Variants in MALRD1 observed in about 807,000 individuals in gnomAD.
MALRD1 encodes MAM and LDL receptor class A domain containing 1, also known as MAM and LDL-receptor class A domain-containing protein 1.
In MALRD1, 247 loss-of-function variants were observed where a neutral mutation model predicts 242.1. The observed-to-expected ratio is 1.02, with a 90% confidence interval of 0.92 to 1.13. The LOEUF is 1.13. MALRD1 is among the 50% of genes most tolerant of loss of function. MALRD1 has a pLI of 0.00. For synonymous variants in MALRD1, 995 were observed against 866.6 expected (o/e 1.15, Z -2.60); for missense variants, 2,989 against 2,533.1 (o/e 1.18, Z -3.86).
intron 29 of MALRD1, among the ~76,000 whole-genome samples, chr10:19,453,681 G>T (rs1835449015): frequency 6.6e-6 from 1 of 151,918 alleles, no homozygotes; most frequent in African/African-American, 2.4e-5. Context: ...TTCGAGACCA[G>T]CCTGGCCAAC....
chr10:19,096,582 G>A (rs1412739416), intron 4 of MALRD1, among the ~76,000 whole-genome samples: 2 of 152,048 alleles, frequency 1.3e-5, no homozygotes, highest in African/African-American at 4.8e-5. Context: ...TTGTTTGGTG[G>A]GCCACAGAGA....
chr10:19,054,889 G>T (rs1181383119), intron 1 of MALRD1, among the ~76,000 whole-genome samples: 1 of 152,164 alleles, frequency 6.6e-6, no homozygotes, highest in Non-Finnish European at 1.5e-5. Context: ...TCAATAAACT[G>T]ATTTTCTCTT....
At chr10:19,629,088 A>G (rs935481829) in intron 36 of MALRD1, among the ~76,000 whole-genome samples, 4 of 152,182 alleles carry the variant, frequency 2.6e-5, no homozygotes, top group African/African-American at 9.6e-5. Flanking sequence ...AAAAATGAAA[A>G]GCACAGTGAT....
Position 19,463,180 on chromosome 10 carries a change from A to G in MALRD1, c.5029+12690A>G, listed in dbSNP as rs977399498. Among the ~76,000 whole-genome samples the G allele has an allele frequency of 2.4e-4, 37 of 151,994 alleles. 1 individual carries two copies. Among genetic ancestry groups the G allele is most frequent in the Admixed American group, 2.4e-3 (37 of 15,252 alleles). On this transcript the variant is annotated intron_variant, in intron 29 of 39. Coordinates refer to ENST00000454679, the MANE Select transcript of MALRD1 (RefSeq NM_001142308.3). ...AAATTTAATTTTAATTTTATTTATT[A>G]TTTCCATAGGTTTTCGGGGAATAGG...
intron 24 of MALRD1, among the ~76,000 whole-genome samples, chr10:19,343,374 C>G (rs898964955): frequency 6.6e-6 from 1 of 152,014 alleles, no homozygotes; most frequent in African/African-American, 2.4e-5. Flanking sequence ...CTAATATTGT[C>G]TCAATGTTTG....
chr10:19,593,158 A>T (rs1205053469), intron 33 of MALRD1, among the ~76,000 whole-genome samples: 1 of 152,228 alleles, frequency 6.6e-6, no homozygotes, highest in Non-Finnish European at 1.5e-5. Flanking sequence ...CAAGGTTTGA[A>T]TTTATAATTT....
At chr10:19,718,915 C>G (rs895546639) in intron 38 of MALRD1, among the ~76,000 whole-genome samples, 2 of 151,462 alleles carry the variant, frequency 1.3e-5, no homozygotes, top group East Asian at 3.9e-4. Context: ...GCCTTTAATC[C>G]CAGTGCTTTG....
rs1399032052 is a variant in MALRD1 at position 19,329,905 on chromosome 10, T to C, written c.3688-1464T>C. Reference sequence around the variant, plus strand: ...ATTTGAACAAGGCAAGTATCTGAGATTGTACCTATATGGCAGAAGATAAGC... The same window carrying C: ...ATTTGAACAAGGCAAGTATCTGAGACTGTACCTATATGGCAGAAGATAAGC... On this transcript the variant is annotated intron_variant, in intron 23 of 39. Transcript: ENST00000454679. Among the ~76,000 whole-genome samples, 7 of 152,176 alleles carry C rather than the reference T, an allele frequency of 4.6e-5. No individual in the cohort carries two copies. In the East Asian group the frequency reaches 1.3e-3, roughly 29 times the overall value.
At chr10:19,192,006 G>A (rs1835996490) in intron 14 of MALRD1, among the ~76,000 whole-genome samples, 1 of 151,452 alleles carries the variant, frequency 6.6e-6, no homozygotes, top group African/African-American at 2.4e-5. Flanking sequence ...TGTCCAAAGG[G>A]ATAAGTAAAT....
At chr10:19,731,466 ATATC>A (rs1376936643) in intron 39 of MALRD1, among the ~76,000 whole-genome samples, 1 of 151,766 alleles carries the variant, frequency 6.6e-6, no homozygotes, top group Non-Finnish European at 1.5e-5. Flanking sequence ...ACTATTTAAA[ATATC>A]TATCACCTCA....
intron 36 of MALRD1, among the ~76,000 whole-genome samples, chr10:19,652,683 A>G (rs905461736): frequency 6.6e-6 from 1 of 152,170 alleles, no homozygotes; most frequent in African/African-American, 2.4e-5. Context: ...CCTAAGAACT[A>G]CCAGCTTACC....
At chr10:19,719,951 A>G (rs1216677499) in intron 38 of MALRD1, among the ~76,000 whole-genome samples, 1 of 152,118 alleles carries the variant, frequency 6.6e-6, no homozygotes, top group Non-Finnish European at 1.5e-5. Flanking sequence ...TTGTCAGATA[A>G]CATGGTATTT....
chr10:19,466,647 A>C (rs941580448), intron 29 of MALRD1, among the ~76,000 whole-genome samples: 10 of 152,100 alleles, frequency 6.6e-5, no homozygotes, highest in African/African-American at 2.4e-4. Context: ...TCCTCTGTGC[A>C]TGTAGCTGTT....
intron 18 of MALRD1, among the ~76,000 whole-genome samples, chr10:19,230,612 T>A (rs1460950764): frequency 1.3e-5 from 2 of 151,982 alleles, no homozygotes; most frequent in Non-Finnish European, 2.9e-5. Flanking sequence ...CATTTTAACA[T>A]GAGATTTGAA....
chr10:19,402,979 G>C (rs1056585727), intron 28 of MALRD1, among the ~76,000 whole-genome samples: 1 of 146,284 alleles, frequency 6.8e-6, no homozygotes, highest in Admixed American at 6.9e-5. Flanking sequence ...GTAATAAATG[G>C]CTCATTGTAG....
intron 28 of MALRD1, among the ~76,000 whole-genome samples, chr10:19,428,913 A>G (rs1228430135): frequency 6.6e-6 from 1 of 152,204 alleles, no homozygotes; most frequent in African/African-American, 2.4e-5. Context: ...CTCACTTGCC[A>G]TCAAATTTGA....
In MALRD1 at chr10:19,175,204, A is replaced by G. The variant is rs768803663; in HGVS notation, c.1831-4A>G. The G allele has an allele frequency of 4.4e-5, 54 of 1,228,106 alleles. No homozygotes were observed. Among genetic ancestry groups the G allele is most frequent in the South Asian group, 2.1e-4 (5 of 24,270 alleles). The allele number at this position is 1,228,106 out of a possible 1,614,324, so 76.1% of individuals were successfully genotyped here. ...TTAACAGTTTTATCTTTCTGTAATT[A>G]TAGTTAATTTTGGAAGCTACTGTTT... On this transcript the variant is annotated splice_region_variant and splice_polypyrimidine_tract_variant and intron_variant, in intron 13 of 39. Transcript: ENST00000454679.
chr10:19,595,574 T>C lies in MALRD1; in HGVS notation c.5944+117T>C, dbSNP rs1838053048. 6 of 1,185,412 alleles carry C rather than the reference T, an allele frequency of 5.1e-6. No homozygotes were observed. The Middle Eastern group carries it at 6.8e-4, about 134-fold the overall frequency. The allele number at this position is 1,185,412 out of a possible 1,614,324, so 73.4% of individuals were successfully genotyped here. Reference sequence around the variant, plus strand: ...AGCCTTACCGTGATTGTATCATTAATAACACAGCTTTCAGTGTTATGTTGC... The same window carrying C: ...AGCCTTACCGTGATTGTATCATTAACAACACAGCTTTCAGTGTTATGTTGC... On this transcript the variant is annotated intron_variant, in intron 34 of 39. Transcript: ENST00000454679.
chr10:19,083,069 C>T (rs1835545326), intron 2 of MALRD1, among the ~76,000 whole-genome samples: 1 of 151,974 alleles, frequency 6.6e-6, no homozygotes, highest in African/African-American at 2.4e-5. Context: ...TTAAATCCAT[C>T]CATGAGGACT....
Sources: allele counts gnomAD v4.1 joint callset (sites outside exome capture counted in the v4.1 genomes callset), GRCh38; gene constraint gnomAD v4.1.1; transcripts MANE v1.5; gene names NCBI Gene and HGNC (gene_info 2026-07-23, HGNC 2026-07-21).